COA1: variants seen among roughly 807,000 people sequenced by gnomAD.
The protein encoded by COA1 is cytochrome c oxidase assembly factor 1 homolog.
COA1 carries 13 observed loss-of-function variants against 16.0 expected under a neutral mutation model. That is an observed-to-expected ratio of 0.81 (90% CI 0.53 to 1.29). The LOEUF is 1.29. COA1 is among the 50% of genes most tolerant of loss of function. The probability of loss-of-function intolerance (pLI) is 0.00; values close to 1 mark genes in which losing one functional copy is unlikely to be tolerated. For missense variants in COA1, 179 were observed against 177.0 expected (o/e 1.01, Z -0.06); for synonymous variants, 65 against 65.7 (o/e 0.99, Z 0.05).
chr7:43,719,486 A>C (rs2095463606), intron 1 of COA1, among the ~76,000 whole-genome samples: 1 of 152,254 alleles, frequency 6.6e-6, no homozygotes, highest in Admixed American at 6.5e-5. Flanking sequence ...GAATGAAATT[A>C]CAAAAATAAA....
intron 1 of COA1, among the ~76,000 whole-genome samples, chr7:43,727,987 T>TC (rs2095652352): frequency 6.6e-6 from 1 of 151,494 alleles, no homozygotes. Context: ...CTTTTTTTTT[T>TC]TTTTTGAGAT....
At chr7:43,614,228 G>A (rs1244754937) in intron 6 of COA1, among the ~76,000 whole-genome samples, 1 of 152,170 alleles carries the variant, frequency 6.6e-6, no homozygotes, top group Non-Finnish European at 1.5e-5. Context: ...AAGATACCGA[G>A]ATAAATAAAA....
chr7:43,684,024 G>A (rs138893071), intron 1 of COA1, among the ~76,000 whole-genome samples: 15 of 152,312 alleles, frequency 9.8e-5, no homozygotes, highest in Middle Eastern at 3.4e-3. Flanking sequence ...TTACATGTGC[G>A]ATTGTTGATG....
chr7:43,697,696 T>C (rs1221014042), intron 1 of COA1, among the ~76,000 whole-genome samples: 1 of 152,210 alleles, frequency 6.6e-6, no homozygotes, highest in Non-Finnish European at 1.5e-5. Context: ...ATTCTGGAAT[T>C]CCACAAGAAA....
At chr7:43,691,636 G>C (rs2094373297) in intron 1 of COA1, among the ~76,000 whole-genome samples, 1 of 152,046 alleles carries the variant, frequency 6.6e-6, no homozygotes, top group Non-Finnish European at 1.5e-5. Context: ...AATTACACTA[G>C]ACCTCAGCAA....
At chr7:43,728,544 GGT>G (rs1264789412) in intron 1 of COA1, among the ~76,000 whole-genome samples, 1 of 152,160 alleles carries the variant, frequency 6.6e-6, no homozygotes, top group Non-Finnish European at 1.5e-5. Flanking sequence ...TGTACCTGCA[GGT>G]GTGTTTTCCA....
At chr7:43,650,171 G>A (rs2090460561) in intron 1 of COA1, 1 of 152,180 alleles carries the variant, frequency 6.6e-6, no homozygotes, top group South Asian at 2.1e-4. Flanking sequence ...GCAGATGAGG[G>A]GCTACAGAAA....
At chr7:43,623,506 T>C in intron 6 of COA1, 1 of 1,390,516 alleles carries the variant, frequency 7.2e-7, no homozygotes, top group Non-Finnish European at 1.0e-6. Context: ...TAGTTTTTTA[T>C]CTCTTAGAGC....
chr7:43,700,527 C>T (rs2094687359), intron 1 of COA1, among the ~76,000 whole-genome samples: 1 of 139,118 alleles, frequency 7.2e-6, no homozygotes, highest in Non-Finnish European at 1.6e-5. Flanking sequence ...AAAATGTAGG[C>T]AGATATATAT....
In COA1 at chr7:43,648,609, C is replaced by A. The variant is rs762108632; in HGVS notation, c.6G>T (p.Met2Ile). The A allele has an allele frequency of 6.2e-7, 1 of 1,614,080 alleles. No homozygotes were observed. Among genetic ancestry groups the A allele is most frequent in the Non-Finnish European group, 8.5e-7 (1 of 1,179,960 alleles). M[M>I]WQKYAGSRRS... ...TGGAACATTCCATTACCTTTTGCCA[C>A]ATCATAGCACAACTCTCTTGAAAAT... The change falls in exon 2 of 6, where the codon ATG becomes ATT. Residue 2 changes from methionine to isoleucine, a missense_variant. Physicochemically the swap from Met to Ile is conservative, Grantham distance 10. Transcript: ENST00000223336.
At chr7:43,624,698 C>T (rs140929501) in intron 6 of COA1, 8 of 1,613,976 alleles carry the variant, frequency 5.0e-6, no homozygotes, top group Non-Finnish European at 5.9e-6. Context: ...CCATTGTAAC[C>T]GAAGAGTTAA....
intron 1 of COA1, among the ~76,000 whole-genome samples, chr7:43,673,138 G>C (rs2093352596): frequency 6.6e-6 from 1 of 152,218 alleles, no homozygotes; most frequent in Non-Finnish European, 1.5e-5. Context: ...AAAGGCAATT[G>C]TAACAAAAGC....
chr7:43,681,149 A>T (rs1416564777), intron 1 of COA1, among the ~76,000 whole-genome samples: 1 of 152,144 alleles, frequency 6.6e-6, no homozygotes, highest in Admixed American at 6.6e-5. Context: ...CTCCTAAAAA[A>T]ATCTCAAATA....
At chr7:43,614,034 C>A (rs977716827) in intron 6 of COA1, among the ~76,000 whole-genome samples, 4 of 152,108 alleles carry the variant, frequency 2.6e-5, no homozygotes, top group African/African-American at 9.7e-5. Context: ...TCTACTCTAA[C>A]CTGGGTTTTA....
Position 43,639,360 on chromosome 7 carries a change from T to A in COA1, c.*222A>T. 1 of 390,146 alleles carries A rather than the reference T, an allele frequency of 2.6e-6. No individual in the cohort carries two copies. Among genetic ancestry groups the A allele is most frequent in the East Asian group, 4.2e-5 (1 of 24,008 alleles). The allele number at this position is 390,146 out of a possible 1,614,324, so 24.2% of individuals were successfully genotyped here. A position where few individuals can be genotyped will look rare whatever the true frequency, so the allele number is the denominator to read the frequency against. ...CATTATCTTAAATTTATAATAGGAG[T>A]TTCTTTCGGATTCAGTTTAAAAATG... On this transcript the variant is annotated 3_prime_UTR_variant, in exon 6 of 6. Coordinates refer to ENST00000223336, the MANE Select transcript of COA1 (RefSeq NM_018224.4).
chr7:43,643,117 A>G (rs1342054758), intron 4 of COA1, among the ~76,000 whole-genome samples: 1 of 152,202 alleles, frequency 6.6e-6, no homozygotes, highest in African/African-American at 2.4e-5. Context: ...TAGTCACAGC[A>G]TGGCCAAGGC....
At chr7:43,665,467 A>C (rs1194312459) in intron 1 of COA1, among the ~76,000 whole-genome samples, 1 of 152,254 alleles carries the variant, frequency 6.6e-6, no homozygotes, top group Non-Finnish European at 1.5e-5. Flanking sequence ...ACATTCACAT[A>C]CATCACTCTT....
At chr7:43,691,108 T>C (rs1420824945) in intron 1 of COA1, among the ~76,000 whole-genome samples, 1 of 145,422 alleles carries the variant, frequency 6.9e-6, no homozygotes, top group East Asian at 2.0e-4. Flanking sequence ...CCAGGCGCAG[T>C]AGTACATGCC....
chr7:43,625,663 G>A (rs1020048263), intron 6 of COA1: 2 of 152,330 alleles, frequency 1.3e-5, no homozygotes, highest in African/African-American at 4.8e-5. Flanking sequence ...GTAGGTATCA[G>A]TGTGATCTGA....
Sources: gnomAD v4.1 joint callset for allele counts (sites outside exome capture counted in the v4.1 genomes callset) on GRCh38, gnomAD v4.1.1 for gene constraint, MANE v1.5 for transcripts, NCBI Gene and HGNC (gene_info 2026-07-23, HGNC 2026-07-21) for gene names.